Variants in MICAL3 observed in about 807,000 individuals in gnomAD.
The protein encoded by MICAL3 is [F-actin]-monooxygenase MICAL3.
Under a neutral mutation model 207.4 loss-of-function variants are expected in MICAL3, and 62 were observed. That is an observed-to-expected ratio of 0.30 (90% CI 0.24 to 0.37). MICAL3 has a LOEUF of 0.37. Ranked by LOEUF, MICAL3 falls within the 10% of genes least tolerant of loss-of-function variation. The pLI is 1.00. For synonymous variants in MICAL3, 1,077 were observed against 1,069.3 expected (o/e 1.01, Z -0.14); for missense variants, 2,368 against 2,635.6 (o/e 0.90, Z 2.22).
chr22:17,881,092 T>G (rs2146208124), intron 16 of MICAL3: 1 of 939,006 alleles, frequency 1.1e-6, no homozygotes, highest in South Asian at 1.4e-5. Context: ...ATAGCCTTTC[T>G]TCTTGATAGT....
Position 17,953,930 on chromosome 22 carries a change from C to CAAAAAAAAAAAAAAAA in MICAL3, c.-74-47060_-74-47045dup, listed in dbSNP as rs59740388. ...CAGGTGACAGAGTAAGACTCCATCT[C>CAAAAAAAAAAAAAAAA]AAAAAAAAAAAAAAAAAAAAAAAAA... On this transcript the variant is annotated intron_variant, in intron 1 of 31. Transcript: ENST00000441493. 1.8e-3 allele frequency among the ~76,000 whole-genome samples: 153 copies of CAAAAAAAAAAAAAAAA among 86,516 alleles called. 4 individuals carry two copies. The highest frequency in any genetic ancestry group is 5.7e-3 in the Middle Eastern group (1 of 176). The allele number at this position is 86,516 out of a possible 152,430, so 56.8% of individuals were successfully genotyped here.
rs185086852 is a variant in MICAL3, at chr22:17,825,810, C to A, written c.3193+1834G>T. 1.0e-3 allele frequency among the ~76,000 whole-genome samples: 157 copies of A among 152,324 alleles called. 1 individual carries two copies. In the Middle Eastern group the frequency reaches 0.017, roughly 17 times the overall value. Reference sequence around the variant, plus strand: ...AACCTTCTGCAAGGGAAAGAGCTGTCCTGCCCCAAATGCCAGTAGCCCCTC... The same window carrying A: ...AACCTTCTGCAAGGGAAAGAGCTGTACTGCCCCAAATGCCAGTAGCCCCTC... On this transcript the variant is annotated intron_variant, in intron 22 of 31. Coordinates refer to ENST00000441493, the MANE Select transcript of MICAL3 (RefSeq NM_015241.3).
chr22:17,906,922 T>C, intron 1 of MICAL3, 36 bp from the exon 2 acceptor site: 1 of 1,103,130 alleles, frequency 9.1e-7, no homozygotes, highest in South Asian at 1.6e-5. Flanking sequence ...TTAGCATTTC[T>C]CTGTCTACAA....
At chr22:18,017,016 G>A (rs1924100646) in intron 1 of MICAL3, among the ~76,000 whole-genome samples, 2 of 152,090 alleles carry the variant, frequency 1.3e-5, no homozygotes, top group Admixed American at 6.6e-5. Context: ...CATCAAAAGA[G>A]CAGTATGTAG....
chr22:17,977,640 GAA>G (rs1204365847), intron 1 of MICAL3, among the ~76,000 whole-genome samples: 34 of 152,218 alleles, frequency 2.2e-4, no homozygotes, highest in Non-Finnish European at 2.9e-5. Flanking sequence ...TGCAACTTTG[GAA>G]AAGTTTGACA....
At chr22:17,987,593 C>T (rs889539595) in intron 1 of MICAL3, among the ~76,000 whole-genome samples, 1 of 152,224 alleles carries the variant, frequency 6.6e-6, no homozygotes, top group Non-Finnish European at 1.5e-5. Flanking sequence ...CTGTATGGAA[C>T]AGCTGCCACG....
Position 17,818,133 on chromosome 22 carries a change from G to A in MICAL3, c.4528C>T (p.Arg1510Trp), listed in dbSNP as rs754829655. ...EPAQPPREEV[R>W]KSFVESVEEI... ...TCCACGCTCTCCACAAACGACTTCCGCACCTCCTCTCTGGGGGGCTGAGCA... is the reference window on the plus strand; with the variant it reads ...TCCACGCTCTCCACAAACGACTTCCACACCTCCTCTCTGGGGGGCTGAGCA... The change falls in exon 26 of 32, where the codon CGG (arginine) becomes TGG (tryptophan). Residue 1510 changes from arginine to tryptophan, a missense_variant. Physicochemically the swap from Arg to Trp is moderately radical, Grantham distance 101. Coordinates refer to ENST00000441493, the MANE Select transcript of MICAL3 (RefSeq NM_015241.3). The A allele has an allele frequency of 4.3e-6, 7 of 1,609,456 alleles. No homozygotes were observed. The South Asian group carries it at 4.4e-5, about 10-fold the overall frequency.
At chr22:17,845,335 G>A (rs889629175) in intron 19 of MICAL3, among the ~76,000 whole-genome samples, 6 of 152,176 alleles carry the variant, frequency 3.9e-5, no homozygotes, top group Admixed American at 2.6e-4. Flanking sequence ...CGTGGGTAAC[G>A]TGGGGAACGC....
At chr22:17,909,578 TAGCCAC>T (rs1292485764) in intron 1 of MICAL3, among the ~76,000 whole-genome samples, 1 of 152,122 alleles carries the variant, frequency 6.6e-6, no homozygotes, top group Non-Finnish European at 1.5e-5. Flanking sequence ...CTTCTCTCAA[TAGCCAC>T]ATGGCCAAGA....
At chr22:17,932,946 T>C (rs527855831) in intron 1 of MICAL3, among the ~76,000 whole-genome samples, 199 of 152,254 alleles carry the variant, frequency 1.3e-3, no homozygotes, top group Middle Eastern at 3.4e-3. Flanking sequence ...ATGCACCCAA[T>C]ACAGGAGCAC....
chr22:17,820,576 G>A (rs971771285), intron 25 of MICAL3, among the ~76,000 whole-genome samples: 2 of 152,080 alleles, frequency 1.3e-5, no homozygotes, highest in South Asian at 2.1e-4. Context: ...GGATGGTCTC[G>A]ATCTCCTGAC....
At chr22:17,976,567 A>G (rs2034302) in intron 1 of MICAL3, among the ~76,000 whole-genome samples, 18,982 of 84,986 alleles carry the variant, frequency 0.22, 1,924 homozygotes, top group Middle Eastern at 0.27. Flanking sequence ...GTGTGTATAT[A>G]TATATATATA....
chr22:17,891,373 G>A (rs1930382439), intron 12 of MICAL3, 112 bp downstream of exon 12: 1 of 897,790 alleles, frequency 1.1e-6, no homozygotes. Flanking sequence ...TCTAGAGAAA[G>A]TATCTTACTA....
intron 21 of MICAL3, among the ~76,000 whole-genome samples, chr22:17,829,469 G>A (rs1358858242): frequency 6.6e-6 from 1 of 152,094 alleles, no homozygotes; most frequent in Non-Finnish European, 1.5e-5. Flanking sequence ...GCACCCGGCC[G>A]TCAATTTGCC....
At chr22:17,860,894 A>G in intron 19 of MICAL3, 1 of 985,440 alleles carries the variant, frequency 1.0e-6, no homozygotes, top group Non-Finnish European at 1.2e-6. Flanking sequence ...AGGAACAAGC[A>G]GCTTTAGAAA....
chr22:17,967,494 C>CCACACACA (rs538557642), intron 1 of MICAL3, among the ~76,000 whole-genome samples: 1 of 84,408 alleles, frequency 1.2e-5, no homozygotes, highest in Admixed American at 1.1e-4. Flanking sequence ...ACACACACAC[C>CCACACACA]CACACACACC....
rs1282778653 is a variant in MICAL3 at position 17,896,290 on chromosome 22, T to A, written c.1278A>T (p.Arg426=). Residue 426 remains arginine, a synonymous_variant, in exon 9 of 32, where the codon CGA becomes CGT. Coordinates refer to ENST00000441493, the MANE Select transcript of MICAL3 (RefSeq NM_015241.3). ...AAGGGCTCGTTCCTAGAGACCAACT[T>A]CGGACCATCCAGGCAGAGTCCATAG... is the stretch of plus-strand genomic sequence containing the variant. ...LAAMDSAWMV[R]SWSLGTSPLE... 9.0e-6 allele frequency: 14 copies of A among 1,560,556 alleles called. No individual in the cohort carries two copies. Among genetic ancestry groups the A allele is most frequent in the African/African-American group, 6.8e-5 (5 of 73,358 alleles).
At chr22:17,949,658 G>A (rs1287113358) in intron 1 of MICAL3, among the ~76,000 whole-genome samples, 1 of 152,126 alleles carries the variant, frequency 6.6e-6, no homozygotes, top group Non-Finnish European at 1.5e-5. Flanking sequence ...CAAATAAATG[G>A]GGACTGTCAG....
chr22:17,905,793 C>T (rs938076192), intron 2 of MICAL3, among the ~76,000 whole-genome samples: 2 of 152,196 alleles, frequency 1.3e-5, no homozygotes, highest in Non-Finnish European at 2.9e-5. Context: ...GCACCTACCC[C>T]GACAAAGGCA....
Sources: allele counts gnomAD v4.1 joint callset (sites outside exome capture counted in the v4.1 genomes callset), GRCh38; gene constraint gnomAD v4.1.1; transcripts MANE v1.5; gene names NCBI Gene and HGNC (gene_info 2026-07-23, HGNC 2026-07-21).